Variants in SNED1 observed in about 807,000 individuals in gnomAD.
The protein encoded by SNED1 is sushi, nidogen and EGF like domains 1.
Under a neutral mutation model 166.7 loss-of-function variants are expected in SNED1, and 81 were observed. The ratio of observed to expected loss-of-function variants is 0.49; its 90% CI spans 0.41 to 0.58. The LOEUF (loss-of-function observed/expected upper bound fraction) is 0.58, where lower values mean the gene tolerates loss of function less well. Ranked by LOEUF, SNED1 falls within the 20% of genes least tolerant of loss-of-function variation. SNED1 has a pLI of 0.00. For missense variants in SNED1, 1,604 were observed against 2,000.2 expected (o/e 0.80, Z 3.78); for synonymous variants, 762 against 822.0 (o/e 0.93, Z 1.25).
chr2:241,072,571 A>C, intron 26 of SNED1: 1 of 265,390 alleles, frequency 3.8e-6, no homozygotes, highest in Non-Finnish European at 7.3e-6. Flanking sequence ...CTGAGCAAAA[A>C]CTCCTCAGGC....
At chr2:241,005,206 T>C (rs1027862346) in intron 1 of SNED1, among the ~76,000 whole-genome samples, 1 of 152,138 alleles carries the variant, frequency 6.6e-6, no homozygotes, top group Non-Finnish European at 1.5e-5. Context: ...TTTTTGTTTT[T>C]GTTTTTGTTT....
chr2:241,009,951 C>G (rs2060340080), intron 1 of SNED1: 1 of 152,288 alleles, frequency 6.6e-6, no homozygotes, highest in Admixed American at 6.5e-5. Flanking sequence ...CCCGGAGGCC[C>G]TGCCCATCCC....
At chr2:241,076,862 C>A (rs574902489) in intron 27 of SNED1, among the ~76,000 whole-genome samples, 1 of 152,146 alleles carries the variant, frequency 6.6e-6, no homozygotes, top group East Asian at 1.9e-4. Flanking sequence ...GAGGCCGAGG[C>A]GGGCGGATCA....
rs1456310079 is a variant in SNED1, at chr2:241,053,293, C to T, written c.2224C>T (p.His742Tyr). Residue 742 changes from histidine to tyrosine, a missense_variant, in exon 16 of 32, where the codon CAC (histidine) becomes TAC (tyrosine). Coordinates refer to ENST00000310397, the MANE Select transcript of SNED1 (RefSeq NM_001080437.3). ...CAGCCGCATCCGGGTCTGCCAGCCA[C>T]ACGGTGTCTGGAGTGAGCCTCCCCA... is the stretch of plus-strand genomic sequence containing the variant. ...APSRIRVCQPHGVWSEPPQCL... is the reference protein window; with the variant it reads ...APSRIRVCQPYGVWSEPPQCL... 1 of 1,598,266 alleles carries T rather than the reference C, an allele frequency of 6.3e-7. No individual in the cohort carries two copies. The highest frequency in any genetic ancestry group is 2.2e-5 in the East Asian group (1 of 44,580).
chr2:241,068,027 C>T lies in SNED1; in HGVS notation c.3194+80C>T. Reference sequence around the variant, plus strand: ...GGGGACACGGGGCCCAGGTCTCGGGCACATTCTCCGTGTGTGGACTGTACC... The same window carrying T: ...GGGGACACGGGGCCCAGGTCTCGGGTACATTCTCCGTGTGTGGACTGTACC... On this transcript the variant is annotated intron_variant, in intron 22 of 31. Coordinates refer to ENST00000310397, the MANE Select transcript of SNED1 (RefSeq NM_001080437.3). The surrounding 1 kb of genome is among the most constrained non-coding windows in gnomAD (Gnocchi z 5.3). The T allele has an allele frequency of 7.5e-7, 1 of 1,330,092 alleles. No individual in the cohort carries two copies. Among genetic ancestry groups the T allele is most frequent in the Non-Finnish European group, 1.0e-6 (1 of 962,392 alleles). The allele number at this position is 1,330,092 out of a possible 1,614,324, so 82.4% of individuals were successfully genotyped here.
intron 9 of SNED1, 37 bp from the exon 10 acceptor site, chr2:241,048,624 GC>G (rs1559262664): frequency 6.4e-7 from 1 of 1,558,326 alleles, no homozygotes; most frequent in East Asian, 2.4e-5. Context: ...ATCTTTCTGC[GC>G]CCCCACATGG....
At position 241,034,460 on chromosome 2, in the gene SNED1, G is replaced by A. The variant is rs1316047207; in HGVS notation, c.643-108G>A. The A allele has an allele frequency of 4.7e-6, 5 of 1,071,392 alleles. No individual in the cohort carries two copies. The East Asian group carries it at 8.2e-5, about 18-fold the overall frequency. 66.4% of individuals were successfully genotyped at this position (1,071,392 alleles called of 1,614,324 possible). ...AACGGTTGGCTGAGGTCAGGACCTG[G>A]CTGGGAGGTTGCCGACCCTGGCAGG... is the stretch of plus-strand genomic sequence containing the variant. On this transcript the variant is annotated intron_variant, in intron 3 of 31. Transcript: ENST00000310397.
At chr2:241,071,551 C>T (rs546010630) in intron 24 of SNED1, 25 bp from the exon 25 acceptor site, 82 of 1,569,594 alleles carry the variant, frequency 5.2e-5, no homozygotes, top group Admixed American at 9.0e-5. Flanking sequence ...CCCAGACCAG[C>T]CCCTTCCTCC....
At chr2:241,060,143 G>A (rs975532730) in intron 16 of SNED1, among the ~76,000 whole-genome samples, 13 of 151,796 alleles carry the variant, frequency 8.6e-5, no homozygotes, top group Admixed American at 1.3e-4. Flanking sequence ...TTTTAAATGC[G>A]TAAAAGGAAC....
At chr2:241,052,693 G>C (rs1327646175) in intron 15 of SNED1, among the ~76,000 whole-genome samples, 2 of 29,984 alleles carry the variant, frequency 6.7e-5, no homozygotes, top group Non-Finnish European at 1.2e-4. Flanking sequence ...GGGTCGGCGG[G>C]GGGGGGGGGG....
At chr2:241,036,180 G>A (rs532901882) in intron 4 of SNED1, among the ~76,000 whole-genome samples, 3 of 151,924 alleles carry the variant, frequency 2.0e-5, no homozygotes, top group South Asian at 2.1e-4. Flanking sequence ...GTCGCAGGGC[G>A]GGAAGACCCA....
chr2:241,089,312 A>G lies in SNED1; in HGVS notation c.*1+910A>G, dbSNP rs1027166473. 2.6e-6 allele frequency: 4 copies of G among 1,550,266 alleles called. No individual in the cohort carries two copies. In the African/African-American group the frequency reaches 5.5e-5, roughly 21 times the overall value. ...ATCTTCCTGGTGGCGCAGATGAGTG[A>G]GGCACCCTTGGGTAACAAGCCACTT... On this transcript the variant is annotated intron_variant, in intron 31 of 31. Coordinates refer to ENST00000310397, the MANE Select transcript of SNED1 (RefSeq NM_001080437.3).
chr2:241,062,745 C>T lies in SNED1; in HGVS notation c.2258-46C>T, dbSNP rs772577455. On this transcript the variant is annotated intron_variant, in intron 16 of 31. Coordinates refer to ENST00000310397, the MANE Select transcript of SNED1 (RefSeq NM_001080437.3). ...CTAGTTTATGTGCATCTTAATTTGGCTTAATCGTGGCCACATTGCTTTATT... is the reference window on the plus strand; with the variant it reads ...CTAGTTTATGTGCATCTTAATTTGGTTTAATCGTGGCCACATTGCTTTATT... The T allele has an allele frequency of 1.0e-5, 14 of 1,340,432 alleles. No individual in the cohort carries two copies. In the East Asian group the frequency reaches 3.1e-4, roughly 30 times the overall value. The allele number at this position is 1,340,432 out of a possible 1,614,324, so 83.0% of individuals were successfully genotyped here.
Position 241,073,525 on chromosome 2 carries a change from G to A in SNED1, c.3916+161G>A, listed in dbSNP as rs190394963. On this transcript the variant is annotated intron_variant, in intron 27 of 31. Transcript: ENST00000310397. This position sits in a 1 kb window ranked among gnomAD's most constrained non-coding sequence, Gnocchi z 6.6. ...AGGCACCCCGGTGTGGGAAGATGGG[G>A]TGAAGCTACACCACCCAAGCAGTGG... is the stretch of plus-strand genomic sequence containing the variant. 1 of 678,600 alleles carries A rather than the reference G, an allele frequency of 1.5e-6. No individual in the cohort carries two copies. The highest frequency in any genetic ancestry group is 2.7e-6 in the Non-Finnish European group (1 of 372,256). The allele number at this position is 678,600 out of a possible 1,614,324, so 42.0% of individuals were successfully genotyped here. A position where few individuals can be genotyped will look rare whatever the true frequency, so the allele number is the denominator to read the frequency against.
chr2:241,033,341 G>A (rs374412494), intron 2 of SNED1, among the ~76,000 whole-genome samples: 28 of 152,272 alleles, frequency 1.8e-4, no homozygotes, highest in African/African-American at 6.5e-4. Context: ...ACTGTTAAAC[G>A]CTGCAGCACG....
chr2:241,089,437 A>C, intron 31 of SNED1: 1 of 1,548,478 alleles, frequency 6.5e-7, no homozygotes, highest in Non-Finnish European at 8.7e-7. Flanking sequence ...CTTTTCAGAT[A>C]TAGGCTCACA....
At chr2:241,014,445 G>A (rs74004216) in intron 1 of SNED1, among the ~76,000 whole-genome samples, 10,306 of 152,206 alleles carry the variant, frequency 0.068, 839 homozygotes, top group African/African-American at 0.2. Context: ...GCCACACCCC[G>A]GCCGACGCTT....
In SNED1 at chr2:240,999,956, G is replaced by A. The variant is rs938888716; in HGVS notation, c.213+906G>A. Among the ~76,000 whole-genome samples the A allele has an allele frequency of 2.6e-5, 4 of 152,032 alleles. No individual in the cohort carries two copies. The highest frequency in any genetic ancestry group is 4.2e-4 in the South Asian group (2 of 4,808). ...GAGTCCCCTCCAGCTCCGTCACCAC[G>A]GCCACCTCCACCATCAGCCCTCTCA... On this transcript the variant is annotated intron_variant, in intron 1 of 31. Coordinates refer to ENST00000310397, the MANE Select transcript of SNED1 (RefSeq NM_001080437.3). This position sits in a 1 kb window ranked among gnomAD's most constrained non-coding sequence, Gnocchi z 5.8.
At position 241,048,660 on chromosome 2, in the gene SNED1, A is replaced by G. The variant is rs1328251337; in HGVS notation, c.1400-2A>G. The G allele has an allele frequency of 1.9e-6, 3 of 1,607,398 alleles. No individual in the cohort carries two copies. Among genetic ancestry groups the G allele is most frequent in the Admixed American group, 1.7e-5 (1 of 58,990 alleles). ...GGAGGCTCCTCCCTCTCTTCGTGGC[A>G]GGAGTCCCCGATGACTGTGAGTGCC... On this transcript the variant is annotated splice_acceptor_variant, in intron 9 of 31. Coordinates refer to ENST00000310397, the MANE Select transcript of SNED1 (RefSeq NM_001080437.3). LOFTEE classifies it high-confidence loss of function.
Sources: gnomAD v4.1 joint callset for allele counts (sites outside exome capture counted in the v4.1 genomes callset) on GRCh38, gnomAD v4.1.1 for gene constraint, Gnocchi (gnomAD v3.1) non-coding constraint, MANE v1.5 for transcripts, NCBI Gene and HGNC (gene_info 2026-07-23, HGNC 2026-07-21) for gene names.